The following SOX6 variants were observed in gnomAD, a reference collection of about 807,000 sequenced individuals.
SOX6 encodes SRY-box transcription factor 6, also known as transcription factor SOX-6.
A neutral mutation model predicts 97.8 loss-of-function variants in SOX6; 11 were observed. The ratio of observed to expected loss-of-function variants is 0.11; its 90% confidence interval spans 0.07 to 0.19. SOX6 has a LOEUF of 0.19. Ranked by LOEUF, SOX6 falls within the 10% of genes least tolerant of loss-of-function variation. The pLI is 1.00. For synonymous variants in SOX6, 360 were observed against 371.4 expected (o/e 0.97, Z 0.35); for missense variants, 810 against 1,039.5 (o/e 0.78, Z 3.04).
intron 3 of SOX6, among the ~76,000 whole-genome samples, chr11:16,242,630 C>T (rs1216422350): frequency 1.3e-5 from 2 of 150,034 alleles, no homozygotes; most frequent in Non-Finnish European, 3.0e-5. Flanking sequence ...AAAACTGAGG[C>T]TCATTAAAAA....
chr11:16,133,515 C>T lies in SOX6; in HGVS notation c.778-21592G>A, dbSNP rs544186985. 1.4e-3 allele frequency among the ~76,000 whole-genome samples: 208 copies of T among 152,212 alleles called. 1 individual carries two copies. Among genetic ancestry groups the T allele is most frequent in the African/African-American group, 4.7e-3 (194 of 41,536 alleles). On this transcript the variant is annotated intron_variant, in intron 6 of 15. Transcript: ENST00000683767. The stretch of plus-strand genomic sequence containing the variant: ...CTCAAGACAAAAATACCAATATTTT[C>T]ACTAAAATATCTAAGGGAGGGTAAC...
At chr11:16,266,825 A>T (rs1385650165) in intron 3 of SOX6, among the ~76,000 whole-genome samples, 1 of 151,556 alleles carries the variant, frequency 6.6e-6, no homozygotes, top group Non-Finnish European at 1.5e-5. Flanking sequence ...GTATTATTTT[A>T]AAAATCAAAA....
At chr11:16,111,661 A>G in intron 7 of SOX6, 142 bp downstream of exon 7, 1 of 1,153,166 alleles carries the variant, frequency 8.7e-7, no homozygotes, top group Non-Finnish European at 1.3e-6. Flanking sequence ...ACTCTTCCCA[A>G]TTCTAATTTT....
intron 1 of SOX6, among the ~76,000 whole-genome samples, chr11:16,470,073 A>G (rs1325067338): frequency 2.0e-5 from 3 of 152,278 alleles, no homozygotes; most frequent in Middle Eastern, 3.4e-3. Context: ...GTGTGTATTA[A>G]TGTAGATACT....
At chr11:16,666,530 G>A (rs1847808099) in intron 3 of SOX6, among the ~76,000 whole-genome samples, 1 of 152,210 alleles carries the variant, frequency 6.6e-6, no homozygotes, top group Non-Finnish European at 1.5e-5. Flanking sequence ...AGTCGGCTGG[G>A]TGTGATGGCT....
chr11:16,524,610 T>C (rs1223428171), intron 4 of SOX6, among the ~76,000 whole-genome samples: 3 of 151,068 alleles, frequency 2.0e-5, no homozygotes, highest in African/African-American at 4.8e-5. Context: ...CTATTCAACA[T>C]AGTGTTGGAA....
chr11:16,192,436 A>G (rs1008310392), intron 4 of SOX6, among the ~76,000 whole-genome samples: 2 of 152,150 alleles, frequency 1.3e-5, no homozygotes, highest in African/African-American at 4.8e-5. Flanking sequence ...TTGAGTCTCA[A>G]TAGGAAGTCA....
Position 16,550,182 on chromosome 11 carries a change from T to C in SOX6, n.609+61899A>G, listed in dbSNP as rs190695542. Among the ~76,000 whole-genome samples, 6 of 152,226 alleles carry C rather than the reference T, an allele frequency of 3.9e-5. No homozygotes were observed. In the East Asian group the frequency reaches 1.2e-3, roughly 29 times the overall value. ...TCCTTTGCAGGGACATGGATGAAGC[T>C]GGAAACCATCATTCTGAGCAAACTA... On this transcript the variant is annotated intron_variant and non_coding_transcript_variant, in intron 4 of 5. Coordinates refer to the SOX6 transcript ENST00000524520.
At chr11:16,222,600 A>G (rs1168677130) in intron 4 of SOX6, among the ~76,000 whole-genome samples, 4 of 152,172 alleles carry the variant, frequency 2.6e-5, no homozygotes, top group African/African-American at 7.2e-5. Flanking sequence ...GAATAGATAC[A>G]AACAAACACA....
intron 1 of SOX6, among the ~76,000 whole-genome samples, chr11:16,386,256 A>C (rs188742941): frequency 5.9e-5 from 9 of 152,162 alleles, no homozygotes; most frequent in Admixed American, 3.9e-4. Context: ...ATTTTACCTT[A>C]ATGCAGGAAA....
chr11:16,008,821 G>T (rs7947008), intron 13 of SOX6, among the ~76,000 whole-genome samples: 13,351 of 152,064 alleles, frequency 0.088, 1,208 homozygotes, highest in East Asian at 0.36. Context: ...GTAAAATACA[G>T]TTTTGTGATA....
At chr11:16,440,384 G>A (rs370726327) in intron 1 of SOX6, among the ~76,000 whole-genome samples, 21 of 152,150 alleles carry the variant, frequency 1.4e-4, no homozygotes, top group African/African-American at 4.3e-4. Context: ...AATTTCTAGC[G>A]CAGCCCACAC....
intron 1 of SOX6, among the ~76,000 whole-genome samples, chr11:16,410,323 G>A (rs1450203360): frequency 6.6e-6 from 1 of 152,068 alleles, no homozygotes; most frequent in African/African-American, 2.4e-5. Context: ...GACACACCAG[G>A]GCTTCCCTAA....
At chr11:16,054,934 A>T (rs982911548) in intron 10 of SOX6, among the ~76,000 whole-genome samples, 31 of 152,240 alleles carry the variant, frequency 2.0e-4, no homozygotes, top group African/African-American at 7.2e-4. Context: ...CTCACCAAGT[A>T]CCTCCTGGCT....
At chr11:16,658,793 T>C (rs770230525) in intron 3 of SOX6, among the ~76,000 whole-genome samples, 1 of 152,218 alleles carries the variant, frequency 6.6e-6, no homozygotes, top group African/African-American at 2.4e-5. Context: ...ATGTAATACA[T>C]ATGAAAGCCC....
chr11:16,381,192 G>T (rs1590173242), intron 1 of SOX6, among the ~76,000 whole-genome samples: 1 of 151,972 alleles, frequency 6.6e-6, no homozygotes, highest in East Asian at 1.9e-4. Flanking sequence ...GAAGAAAAAT[G>T]AGAAGAGAGA....
At chr11:16,567,568 T>C (rs1479753076) in intron 4 of SOX6, among the ~76,000 whole-genome samples, 3 of 116,530 alleles carry the variant, frequency 2.6e-5, no homozygotes, top group Admixed American at 9.0e-5. Context: ...TTTCTTTTTT[T>C]TTTTTTTTTT....
chr11:16,288,153 C>T (rs1854806674), intron 3 of SOX6, among the ~76,000 whole-genome samples: 1 of 152,020 alleles, frequency 6.6e-6, no homozygotes, highest in Non-Finnish European at 1.5e-5. Context: ...TGTGAATTCT[C>T]AAGGGTCCAG....
At chr11:16,256,289 G>T (rs1853682106) in intron 3 of SOX6, among the ~76,000 whole-genome samples, 1 of 151,804 alleles carries the variant, frequency 6.6e-6, no homozygotes, top group African/African-American at 2.4e-5. Context: ...GAACACAAAT[G>T]CAAAAATCCT....
Sources: gnomAD v4.1 joint callset for allele counts (sites outside exome capture counted in the v4.1 genomes callset) on GRCh38, gnomAD v4.1.1 for gene constraint, MANE v1.5 for transcripts, NCBI Gene and HGNC (gene_info 2026-07-23, HGNC 2026-07-21) for gene names.